Variants in KIF16B observed in about 807,000 individuals in gnomAD.
KIF16B encodes kinesin family member 16B.
A neutral mutation model predicts 156.3 loss-of-function variants in KIF16B; 98 were observed. The observed-to-expected ratio is 0.63, with a 90% CI of 0.53 to 0.74. KIF16B has a LOEUF of 0.74. KIF16B is among the 30% of genes least tolerant of loss of function. KIF16B has a pLI of 0.00. For missense variants in KIF16B, 1,421 were observed against 1,606.5 expected, an observed-to-expected ratio of 0.88 and a Z score of 1.97; for synonymous variants, 564 against 583.7, an observed-to-expected ratio of 0.97 and a Z score of 0.49.
chr20:16,387,471 G>C (rs2123500082), intron 17 of KIF16B, among the ~76,000 whole-genome samples: 1 of 152,244 alleles, frequency 6.6e-6, no homozygotes, highest in East Asian at 1.9e-4. Context: ...TGGAGATGAG[G>C]GACTTAATTG....
At chr20:16,542,365 C>A (rs994065395) in intron 1 of KIF16B, among the ~76,000 whole-genome samples, 23 of 152,016 alleles carry the variant, frequency 1.5e-4, no homozygotes, top group African/African-American at 5.6e-4. Flanking sequence ...CAGATAATAG[C>A]CTCAGTGCAG....
At chr20:16,477,803 G>C (rs1212495547) in intron 12 of KIF16B, among the ~76,000 whole-genome samples, 1 of 152,154 alleles carries the variant, frequency 6.6e-6, no homozygotes, top group African/African-American at 2.4e-5. Flanking sequence ...CTTTGACCTG[G>C]CTGAAGAGAA....
At chr20:16,406,833 A>G (rs1435363488) in intron 15 of KIF16B, among the ~76,000 whole-genome samples, 2 of 152,208 alleles carry the variant, frequency 1.3e-5, no homozygotes, top group African/African-American at 4.8e-5. Context: ...TATGGTCACA[A>G]CTTTAGGAAT....
At chr20:16,320,431 C>G (rs909671431) in intron 24 of KIF16B, among the ~76,000 whole-genome samples, 1 of 151,880 alleles carries the variant, frequency 6.6e-6, no homozygotes, top group Non-Finnish European at 1.5e-5. Flanking sequence ...AAAATGTGAG[C>G]CAGCAGGACT....
Position 16,375,531 on chromosome 20 carries a change from G to T in KIF16B, c.3198-1122C>A, listed in dbSNP as rs555907916. On this transcript the variant is annotated intron_variant, in intron 19 of 25. Transcript: ENST00000354981. ...CCCAGTTTAACTCAGCCCTTTCTGG[G>T]TTTATTGATTAGCAAGTACTTCTAG... Among the ~76,000 whole-genome samples, 4 of 151,818 alleles carry T rather than the reference G, an allele frequency of 2.6e-5. No individual in the cohort carries two copies. The South Asian group carries it at 6.3e-4, about 24-fold the overall frequency.
chr20:16,414,241 G>A (rs1235735546), intron 15 of KIF16B, among the ~76,000 whole-genome samples: 1 of 151,988 alleles, frequency 6.6e-6, no homozygotes, highest in Admixed American at 6.6e-5. Context: ...TCTGTGGTGG[G>A]TAAGAAAATT....
At chr20:16,477,027 G>A (rs1250640819) in intron 12 of KIF16B, among the ~76,000 whole-genome samples, 3 of 152,108 alleles carry the variant, frequency 2.0e-5, no homozygotes, top group Non-Finnish European at 4.4e-5. Context: ...GATTACAGGC[G>A]TGAGCCACTG....
intron 22 of KIF16B, chr20:16,366,959 T>C (rs1165170282): frequency 7.8e-6 from 10 of 1,284,452 alleles, no homozygotes; most frequent in Non-Finnish European, 8.9e-6. Flanking sequence ...GGGGCTCTGC[T>C]ATTAGCTGTT....
chr20:16,452,189 G>A (rs945258225), intron 12 of KIF16B, among the ~76,000 whole-genome samples: 6 of 152,106 alleles, frequency 3.9e-5, no homozygotes, highest in Non-Finnish European at 8.8e-5. Context: ...GGAGCAGTGA[G>A]AAAAGCAGAC....
intron 1 of KIF16B, among the ~76,000 whole-genome samples, chr20:16,563,970 C>T (rs2071160873): frequency 6.6e-6 from 1 of 152,180 alleles, no homozygotes; most frequent in South Asian, 2.1e-4. Flanking sequence ...CCTCCTTTCT[C>T]TTTCCAGCCA....
intron 15 of KIF16B, among the ~76,000 whole-genome samples, chr20:16,417,660 A>C (rs1330943407): frequency 6.6e-6 from 1 of 152,174 alleles, no homozygotes; most frequent in African/African-American, 2.4e-5. Flanking sequence ...TAAGTGGAAA[A>C]ATAAAAATTT....
intron 7 of KIF16B, 97 bp from the exon 8 acceptor site, chr20:16,506,287 C>G: frequency 1.0e-6 from 1 of 1,002,004 alleles, no homozygotes; most frequent in Admixed American, 1.9e-5. Flanking sequence ...TCACTGAGAT[C>G]TCTCAGGGTA....
chr20:16,307,925 T>C (rs1474214673), intron 25 of KIF16B, among the ~76,000 whole-genome samples: 3 of 152,318 alleles, frequency 2.0e-5, no homozygotes, highest in East Asian at 3.9e-4. Flanking sequence ...ATTTATATAC[T>C]ATGTATGTGT....
At chr20:16,311,206 G>C (rs1245259781) in intron 25 of KIF16B, among the ~76,000 whole-genome samples, 1 of 152,200 alleles carries the variant, frequency 6.6e-6, no homozygotes, top group Non-Finnish European at 1.5e-5. Flanking sequence ...AAGTAGCAAA[G>C]GGCTGGGCGC....
chr20:16,294,235 G>T (rs1360212), intron 25 of KIF16B, among the ~76,000 whole-genome samples: 21 of 151,916 alleles, frequency 1.4e-4, no homozygotes, highest in African/African-American at 5.1e-4. Flanking sequence ...ACAAACACAT[G>T]CACAGAAAAA....
rs1423994147 is a variant in KIF16B, at chr20:16,409,968, T to C, written c.1613-3512A>G. Among the ~76,000 whole-genome samples, 107 of 29,180 alleles carry C rather than the reference T, an allele frequency of 3.7e-3. 4 individuals are homozygous for C. The highest frequency in any genetic ancestry group is 9.7e-3 in the African/African-American group (63 of 6,480). The allele number at this position is 29,180 out of a possible 152,430, so 19.1% of individuals were successfully genotyped here. ...ACCTACATATATATATATATATATA[T>C]ACATATATATATATATATATATATG... On this transcript the variant is annotated intron_variant, in intron 15 of 25. Coordinates refer to ENST00000354981, the MANE Select transcript of KIF16B (RefSeq NM_024704.5).
chr20:16,340,776 G>A (rs574756993), intron 23 of KIF16B, among the ~76,000 whole-genome samples: 36 of 152,276 alleles, frequency 2.4e-4, no homozygotes, highest in African/African-American at 8.7e-4. Context: ...ACAATTTTGG[G>A]TATCATTCTT....
chr20:16,464,147 A>C (rs2067423472), intron 12 of KIF16B, among the ~76,000 whole-genome samples: 1 of 152,218 alleles, frequency 6.6e-6, no homozygotes, highest in Admixed American at 6.5e-5. Flanking sequence ...CTCTGAAAAA[A>C]TGTGTGCCAC....
At chr20:16,543,209 AG>A (rs1362581727) in intron 1 of KIF16B, among the ~76,000 whole-genome samples, 1 of 152,202 alleles carries the variant, frequency 6.6e-6, no homozygotes, top group Non-Finnish European at 1.5e-5. Flanking sequence ...AAGCTTTCAC[AG>A]TTTTCACATT....
Sources: allele counts gnomAD v4.1 joint callset (sites outside exome capture counted in the v4.1 genomes callset), GRCh38; gene constraint gnomAD v4.1.1; transcripts MANE v1.5; gene names NCBI Gene and HGNC (gene_info 2026-07-23, HGNC 2026-07-21).